The following TSHZ2 variants were observed in gnomAD, a reference collection of about 807,000 sequenced individuals.
The protein encoded by TSHZ2 is teashirt zinc finger homeobox 2.
Under a neutral mutation model 74.4 loss-of-function variants are expected in TSHZ2, and 21 were observed. The observed-to-expected ratio is 0.28, with a 90% CI of 0.20 to 0.41. The LOEUF (loss-of-function observed/expected upper bound fraction) is 0.41, where lower values mean the gene tolerates loss of function less well. TSHZ2 is among the 10% of genes least tolerant of loss of function. The pLI, the probability that TSHZ2 is intolerant of heterozygous loss-of-function variation, is 1.00. For missense variants in TSHZ2, 1,244 were observed against 1,293.5 expected (o/e 0.96, Z 0.59); for synonymous variants, 540 against 515.3 (o/e 1.05, Z -0.65).
At chr20:53,053,125 T>C (rs1389682051) in intron 1 of TSHZ2, among the ~76,000 whole-genome samples, 1 of 152,182 alleles carries the variant, frequency 6.6e-6, no homozygotes, top group African/African-American at 2.4e-5. Flanking sequence ...GGGCCTTTCA[T>C]ATACACGGAG....
In TSHZ2 at chr20:53,459,129, A is replaced by G. The variant is rs147659308; in HGVS notation, c.*9-28015A>G. On this transcript the variant is annotated intron_variant, in intron 2 of 2. Coordinates refer to ENST00000371497, the MANE Select transcript of TSHZ2 (RefSeq NM_173485.6). ...TTCCTGGGTGTTGACTTTCTGTCTC[A>G]TTGATCTGTCTAATGTTGACAGTGG... Among the ~76,000 whole-genome samples, 1,079 of 152,000 alleles carry G rather than the reference A, an allele frequency of 7.1e-3. 5 individuals are homozygous for G. Among genetic ancestry groups the G allele is most frequent in the South Asian group, 0.038 (185 of 4,808 alleles).
intron 1 of TSHZ2, among the ~76,000 whole-genome samples, chr20:53,049,520 T>A (rs536580047): frequency 6.6e-6 from 1 of 152,324 alleles, no homozygotes; most frequent in African/African-American, 2.4e-5. Flanking sequence ...AGTTTATCTT[T>A]AATTTGATTT....
chr20:52,993,051 C>T (rs1982051443), intron 1 of TSHZ2, among the ~76,000 whole-genome samples: 2 of 152,114 alleles, frequency 1.3e-5, no homozygotes, highest in Admixed American at 1.3e-4. Flanking sequence ...TAAGTCTTCA[C>T]TGCTTTGTGG....
At chr20:53,443,797 G>T (rs147635841) in intron 2 of TSHZ2, among the ~76,000 whole-genome samples, 172 of 152,268 alleles carry the variant, frequency 1.1e-3, no homozygotes, top group African/African-American at 3.5e-3. Flanking sequence ...CACTTTGTAG[G>T]GTAGGTCTGA....
chr20:53,341,621 G>A (rs189155913), intron 2 of TSHZ2, among the ~76,000 whole-genome samples: 44 of 151,716 alleles, frequency 2.9e-4, no homozygotes, highest in Middle Eastern at 3.4e-3. Context: ...CGCCATACCC[G>A]GCCGAATTAT....
chr20:53,341,192 A>T (rs1051470117), intron 2 of TSHZ2, among the ~76,000 whole-genome samples: 1 of 152,116 alleles, frequency 6.6e-6, no homozygotes, highest in Non-Finnish European at 1.5e-5. Context: ...GTCCTTGAGG[A>T]GGTAGATACA....
chr20:53,193,151 G>A (rs1219236593), intron 1 of TSHZ2, among the ~76,000 whole-genome samples: 2 of 131,592 alleles, frequency 1.5e-5, no homozygotes, highest in East Asian at 2.3e-4. Context: ...TGGGCAAAGG[G>A]TTTTAAAAAT....
At chr20:53,388,349 C>T (rs1171251934) in intron 2 of TSHZ2, among the ~76,000 whole-genome samples, 1 of 152,186 alleles carries the variant, frequency 6.6e-6, no homozygotes, top group African/African-American at 2.4e-5. Context: ...ATTGGGTATT[C>T]GCTCTGTGGT....
At chr20:53,407,560 A>T (rs889040612) in intron 2 of TSHZ2, among the ~76,000 whole-genome samples, 1 of 152,132 alleles carries the variant, frequency 6.6e-6, no homozygotes, top group African/African-American at 2.4e-5. Flanking sequence ...GAAGCCACCT[A>T]AGTTTGCACA....
At chr20:53,213,568 AG>A in intron 1 of TSHZ2, among the ~76,000 whole-genome samples, 1 of 152,128 alleles carries the variant, frequency 6.6e-6, no homozygotes, top group South Asian at 2.1e-4. Flanking sequence ...CACACACACG[AG>A]AGACAGAGAG....
chr20:53,330,390 G>A (rs1461445063), intron 2 of TSHZ2, among the ~76,000 whole-genome samples: 1 of 152,072 alleles, frequency 6.6e-6, no homozygotes, highest in African/African-American at 2.4e-5. Flanking sequence ...AACATAAAAG[G>A]GGTATGAAAT....
chr20:53,106,150 G>T (rs1455601251), intron 1 of TSHZ2, among the ~76,000 whole-genome samples: 1 of 151,888 alleles, frequency 6.6e-6, no homozygotes, highest in Non-Finnish European at 1.5e-5. Flanking sequence ...ATTATTAATT[G>T]CAGTCATCTT....
At chr20:53,424,090 T>G (rs1213329732) in intron 2 of TSHZ2, among the ~76,000 whole-genome samples, 1 of 152,254 alleles carries the variant, frequency 6.6e-6, no homozygotes, top group Non-Finnish European at 1.5e-5. Context: ...TTGCACTGTT[T>G]TGCTTCCCTA....
At chr20:53,377,877 C>G (rs1420760401) in intron 2 of TSHZ2, among the ~76,000 whole-genome samples, 1 of 151,508 alleles carries the variant, frequency 6.6e-6, no homozygotes, top group East Asian at 2.0e-4. Context: ...AAACAAAAGG[C>G]TACTGGCCAA....
chr20:53,471,063 A>G (rs1406902370), intron 2 of TSHZ2, among the ~76,000 whole-genome samples: 2 of 152,240 alleles, frequency 1.3e-5, no homozygotes, highest in Non-Finnish European at 2.9e-5. Context: ...TCAAAATGAC[A>G]GACAAAATTA....
chr20:53,256,598 AT>A lies in TSHZ2; in HGVS notation c.*8+29del. ...TATGGGTTTGCTCTGAGGCATTGCG[AT>A]TAGCCTGGTGAGGAGCTTTCTTACA... On this transcript the variant is annotated intron_variant, in intron 2 of 2. Coordinates refer to ENST00000371497, the MANE Select transcript of TSHZ2 (RefSeq NM_173485.6). The surrounding 1 kb of genome is among the most constrained non-coding windows in gnomAD (Gnocchi z 4.3). 1 of 1,536,230 alleles carries A rather than the reference AT, an allele frequency of 6.5e-7. No individual in the cohort carries two copies. Among genetic ancestry groups the A allele is most frequent in the Non-Finnish European group, 8.8e-7 (1 of 1,137,988 alleles).
chr20:53,150,614 GAAAATAAAAT>G (rs556314975), intron 1 of TSHZ2, among the ~76,000 whole-genome samples: 2 of 147,004 alleles, frequency 1.4e-5, no homozygotes, highest in African/African-American at 5.0e-5. Flanking sequence ...TCAACTACAG[GAAAATAAAAT>G]AAAATAAAAT....
intron 2 of TSHZ2, among the ~76,000 whole-genome samples, chr20:53,295,606 A>C (rs531707775): frequency 6.6e-6 from 1 of 152,328 alleles, no homozygotes; most frequent in African/African-American, 2.4e-5. Context: ...ATTAAAGAGG[A>C]AACTTTAATC....
intron 1 of TSHZ2, among the ~76,000 whole-genome samples, chr20:53,092,259 C>T (rs1407808387): frequency 2.6e-5 from 4 of 152,038 alleles, no homozygotes. Flanking sequence ...AACCTAGTTA[C>T]CATTCTGTGT....
Sources: allele counts gnomAD v4.1 joint callset (sites outside exome capture counted in the v4.1 genomes callset), GRCh38; gene constraint gnomAD v4.1.1; non-coding constraint Gnocchi (gnomAD v3.1); transcripts MANE v1.5; gene names NCBI Gene and HGNC (gene_info 2026-07-23, HGNC 2026-07-21).